Variants in ADGRG3 observed in about 807,000 individuals in gnomAD.
The protein encoded by ADGRG3 is G protein-coupled receptor 97.
In ADGRG3, 39 loss-of-function variants were observed where a neutral mutation model predicts 54.3. The observed-to-expected ratio is 0.72, with a 90% CI of 0.56 to 0.94. The LOEUF (loss-of-function observed/expected upper bound fraction) is 0.94. ADGRG3 is among the 40% of genes least tolerant of loss of function. The pLI is 0.00. For synonymous variants in ADGRG3, 312 were observed against 290.0 expected, an observed-to-expected ratio of 1.08 and a Z score of -0.77; for missense variants, 654 against 694.6, an observed-to-expected ratio of 0.94 and a Z score of 0.66.
intron 3 of ADGRG3, among the ~76,000 whole-genome samples, chr16:57,677,799 A>G (rs1417091115): frequency 6.6e-6 from 1 of 152,092 alleles, no homozygotes; most frequent in African/African-American, 2.4e-5. Context: ...GAAGCCAGAC[A>G]CTGTCACAAT....
chr16:57,670,256 G>T (rs2048129544), intron 1 of ADGRG3, among the ~76,000 whole-genome samples: 1 of 152,136 alleles, frequency 6.6e-6, no homozygotes, highest in Admixed American at 6.5e-5. Context: ...CCTAGCACAG[G>T]GTCTCCTTGT....
At position 57,685,695 on chromosome 16, in the gene ADGRG3, G is replaced by T. The variant is rs148958069; in HGVS notation, c.1309G>T (p.Gly437Cys). Residue 437 changes from glycine (G) to cysteine (C), a missense_variant, in exon 11 of 12, where the codon GGC becomes TGC. By Grantham distance (159) the Gly-to-Cys change is radical. Transcript: ENST00000333493. ...TMYALYITVH[G>C]YFLITFLFGM... is the part of the protein sequence containing the mutation. ...GTACGCCCTCTATATCACCGTCCAC[G>T]GCTACTTCCTCATCACCTTCCTCTT... The T allele has an allele frequency of 6.1e-4, 984 of 1,614,164 alleles. 8 individuals carry two copies. The South Asian group carries it at 6.3e-3, about 10-fold the overall frequency.
chr16:57,673,913 G>T (rs748205462), intron 2 of ADGRG3, among the ~76,000 whole-genome samples: 3 of 152,172 alleles, frequency 2.0e-5, no homozygotes, highest in Non-Finnish European at 4.4e-5. Context: ...AGTAATGGGG[G>T]ATAACTGCAA....
chr16:57,676,929 A>G (rs1326289645), intron 3 of ADGRG3, among the ~76,000 whole-genome samples: 1 of 152,244 alleles, frequency 6.6e-6, no homozygotes, highest in Non-Finnish European at 1.5e-5. Flanking sequence ...GAGGGCTTAG[A>G]AAGCCTCCTG....
At position 57,676,122 on chromosome 16, in the gene ADGRG3, C is replaced by T. The variant is rs1597761571; in HGVS notation, c.207-78C>T. ...TTTACTTTGATAGTTTGGGTCAGCC[C>T]TCTCACCCCAGGAGCCTGATGAGTG... On this transcript the variant is annotated intron_variant, in intron 2 of 11. Coordinates refer to ENST00000333493, the MANE Select transcript of ADGRG3 (RefSeq NM_170776.5). 2.9e-6 allele frequency: 4 copies of T among 1,398,100 alleles called. No homozygotes were observed. In the East Asian group the frequency reaches 6.9e-5, roughly 24 times the overall value. The allele number at this position is 1,398,100 out of a possible 1,614,324, so 86.6% of individuals were successfully genotyped here.
At chr16:57,673,092 CT>C (rs1291439774) in intron 1 of ADGRG3, among the ~76,000 whole-genome samples, 1 of 152,186 alleles carries the variant, frequency 6.6e-6, no homozygotes, top group African/African-American at 2.4e-5. Context: ...TTTGTACATG[CT>C]TTCCCCAAAG....
intron 7 of ADGRG3, 38 bp downstream of exon 7, chr16:57,680,403 G>A (rs1037062506): frequency 6.3e-7 from 1 of 1,590,132 alleles, no homozygotes; most frequent in South Asian, 1.1e-5. Context: ...GCCATCCCAG[G>A]GGCTTCCAGC....
intron 1 of ADGRG3, among the ~76,000 whole-genome samples, chr16:57,669,479 GCT>G (rs2048113867): frequency 6.6e-6 from 1 of 152,292 alleles, no homozygotes; most frequent in South Asian, 2.1e-4. Context: ...TGTGACCAGG[GCT>G]CATGGGCGTC....
chr16:57,665,833 T>C (rs2048042358), upstream of ADGRG3, among the ~76,000 whole-genome samples: 1 of 152,146 alleles, frequency 6.6e-6, no homozygotes, highest in Non-Finnish European at 1.5e-5. Context: ...GAGTCTTGGA[T>C]TGGACAAGGT....
intron 1 of ADGRG3, among the ~76,000 whole-genome samples, chr16:57,669,860 T>C (rs1301872474): frequency 2.6e-5 from 4 of 152,008 alleles, no homozygotes; most frequent in Non-Finnish European, 5.9e-5. Flanking sequence ...AAGGGGTGGA[T>C]GCAATGGAGG....
Position 57,678,834 on chromosome 16 carries a change from C to T in ADGRG3, c.493-343C>T, listed in dbSNP as rs149937242. 2.2e-3 allele frequency: 858 copies of T among 386,742 alleles called. 10 individuals carry two copies. Among genetic ancestry groups the T allele is most frequent in the East Asian group, 0.014 (258 of 18,380 alleles). 24.0% of individuals were successfully genotyped at this position (386,742 alleles called of 1,614,324 possible). On this transcript the variant is annotated intron_variant, in intron 4 of 11. Transcript: ENST00000333493. ...TACCGAATGCACACTCACGCTAAGA[C>T]CCTCAGGGGCACGCTATCCTCCCCG...
chr16:57,669,739 C>T (rs1189410578), intron 1 of ADGRG3, among the ~76,000 whole-genome samples: 1 of 152,192 alleles, frequency 6.6e-6, no homozygotes, highest in Admixed American at 6.5e-5. Flanking sequence ...CGATGGTGCC[C>T]TCTGCTCCTG....
rs776140180 is a variant in ADGRG3, at chr16:57,674,590, T to C, written c.206+1122T>C. ...AAAGGCTTCCATTCCCACCTGCAGG[T>C]GATCCAGGAGCTTCTTAGCACCCCA... is the stretch of plus-strand genomic sequence containing the variant. On this transcript the variant is annotated intron_variant, in intron 2 of 11. Transcript: ENST00000333493. 2.8e-4 allele frequency: 127 copies of C among 455,710 alleles called. 2 individuals are homozygous for C. The Middle Eastern group carries it at 5.2e-3, about 19-fold the overall frequency. The allele number at this position is 455,710 out of a possible 1,614,324, so 28.2% of individuals were successfully genotyped here. A position where few individuals can be genotyped will look rare whatever the true frequency, so the allele number is the denominator to read the frequency against.
At chr16:57,677,857 C>T (rs2048291266) in intron 3 of ADGRG3, among the ~76,000 whole-genome samples, 2 of 152,352 alleles carry the variant, frequency 1.3e-5, no homozygotes, top group South Asian at 4.1e-4. Context: ...GCCAAAAGCA[C>T]ATGCCCTCCA....
chr16:57,667,880 C>T (rs370336140), upstream of ADGRG3, among the ~76,000 whole-genome samples: 15 of 152,230 alleles, frequency 9.9e-5, no homozygotes, highest in East Asian at 1.2e-3. Context: ...CCTGACACAG[C>T]CTTAGGAGGC....
intron 3 of ADGRG3, among the ~76,000 whole-genome samples, chr16:57,677,147 C>G (rs1166486566): frequency 6.6e-6 from 1 of 152,196 alleles, no homozygotes; most frequent in South Asian, 2.1e-4. Flanking sequence ...CGTTGGGAGT[C>G]TGGACTGGGA....
rs562320082 is a variant in ADGRG3, at chr16:57,672,779, T to C, written c.59-542T>C. ...AGGGGCCTTGGTTTGCTGTATTTTCTACCTGTCCCAGGAGGTAGCTGTGAT... is the reference window on the plus strand; with the variant it reads ...AGGGGCCTTGGTTTGCTGTATTTTCCACCTGTCCCAGGAGGTAGCTGTGAT... On this transcript the variant is annotated intron_variant, in intron 1 of 11. Transcript: ENST00000333493. 2.3e-4 allele frequency among the ~76,000 whole-genome samples: 35 copies of C among 152,364 alleles called. No individual in the cohort carries two copies. In the East Asian group the frequency reaches 5.6e-3, roughly 24 times the overall value.
intron 3 of ADGRG3, 111 bp from the exon 4 acceptor site, chr16:57,678,059 C>T (rs1420169597): frequency 1.5e-6 from 2 of 1,348,130 alleles, no homozygotes; most frequent in Middle Eastern, 2.6e-4. Context: ...CTGACAGTCC[C>T]CAGGTGCTGC....
At chr16:57,681,655 G>A (rs2048372205) in intron 8 of ADGRG3, among the ~76,000 whole-genome samples, 1 of 148,118 alleles carries the variant, frequency 6.8e-6, no homozygotes, top group Non-Finnish European at 1.5e-5. Flanking sequence ...GAACCAAGGA[G>A]GCGGAGGTTG....
Sources: allele counts gnomAD v4.1 joint callset (sites outside exome capture counted in the v4.1 genomes callset), GRCh38; gene constraint gnomAD v4.1.1; transcripts MANE v1.5; gene names NCBI Gene and HGNC (gene_info 2026-07-23, HGNC 2026-07-21).